The following PLCE1 variants were observed in gnomAD, a reference collection of about 807,000 sequenced individuals.
The protein encoded by PLCE1 is 1-phosphatidylinositol 4,5-bisphosphate phosphodiesterase epsilon-1.
In PLCE1, 119 loss-of-function variants were observed where a neutral mutation model predicts 242.8. The observed-to-expected ratio is 0.49, with a 90% CI of 0.42 to 0.57. The LOEUF is 0.57. Ranked by LOEUF, PLCE1 falls within the 20% of genes least tolerant of loss-of-function variation. PLCE1 has a pLI of 0.00. For synonymous variants in PLCE1, 945 were observed against 1,017.4 expected, an observed-to-expected ratio of 0.93 and a Z score of 1.35; for missense variants, 2,441 against 2,788.8, an observed-to-expected ratio of 0.88 and a Z score of 2.81.
At chr10:94,220,471 G>C (rs1409753772) in intron 4 of PLCE1, among the ~76,000 whole-genome samples, 1 of 144,120 alleles carries the variant, frequency 6.9e-6, no homozygotes, top group East Asian at 2.1e-4. Context: ...CAATGAGCCA[G>C]GGAAGCCTTG....
chr10:94,199,228 G>A (rs975946016), intron 4 of PLCE1, among the ~76,000 whole-genome samples: 1 of 152,222 alleles, frequency 6.6e-6, no homozygotes, highest in African/African-American at 2.4e-5. Context: ...TCAAATAGGT[G>A]AATGTAGGTT....
At chr10:94,132,606 G>A in intron 3 of PLCE1, 147 bp downstream of exon 3, 1 of 778,080 alleles carries the variant, frequency 1.3e-6, no homozygotes, top group Non-Finnish European at 2.1e-6. Context: ...ATATAAAAAG[G>A]TGGTCCCTTA....
intron 1 of PLCE1, among the ~76,000 whole-genome samples, chr10:94,027,646 C>A (rs370538687): frequency 1.3e-5 from 2 of 152,118 alleles, no homozygotes; most frequent in South Asian, 2.1e-4. Context: ...ATGGTGAAAC[C>A]CCGTCTCCAC....
At chr10:94,155,966 A>G (rs968574962) in intron 3 of PLCE1, among the ~76,000 whole-genome samples, 4 of 152,066 alleles carry the variant, frequency 2.6e-5, no homozygotes, top group Non-Finnish European at 1.5e-5. Context: ...AATAAATGTT[A>G]CGGTATGTGA....
rs757425461 is a variant in PLCE1 at position 94,235,941 on chromosome 10, T to C, written c.2241T>C (p.Asp747=). 1.2e-6 allele frequency: 2 copies of C among 1,614,008 alleles called. No homozygotes were observed. Among genetic ancestry groups the C allele is most frequent in the Non-Finnish European group, 1.7e-6 (2 of 1,179,922 alleles). Residue 747 remains aspartate, a synonymous_variant, in exon 7 of 33, where the codon GAT becomes GAC. Transcript: ENST00000371380. The part of the protein sequence containing the change: ...LEFVADYSGQ[D]NFLQRVGQNG... Reference sequence around the variant, plus strand: ...TTGTAGCAGATTACAGTGGACAAGATAATTTCTTACAACGAGTGGGACAAA... The same window carrying C: ...TTGTAGCAGATTACAGTGGACAAGACAATTTCTTACAACGAGTGGGACAAA...
intron 3 of PLCE1, among the ~76,000 whole-genome samples, chr10:94,167,027 C>T (rs939987617): frequency 2.6e-5 from 4 of 152,206 alleles, no homozygotes; most frequent in African/African-American, 9.7e-5. Flanking sequence ...TGGTGGCTCA[C>T]ACCTGTAATC....
chr10:94,066,608 G>A (rs763372096), intron 2 of PLCE1, among the ~76,000 whole-genome samples: 1 of 152,042 alleles, frequency 6.6e-6, no homozygotes, highest in African/African-American at 2.4e-5. Flanking sequence ...TTCCTTGGAC[G>A]CTCCCCCTCA....
intron 1 of PLCE1, among the ~76,000 whole-genome samples, chr10:94,003,071 A>G (rs1313518469): frequency 1.3e-5 from 2 of 152,218 alleles, no homozygotes; most frequent in African/African-American, 4.8e-5. Context: ...TATTTAATCA[A>G]CTTAACTTTT....
At chr10:94,142,021 T>C (rs2046988419) in intron 3 of PLCE1, among the ~76,000 whole-genome samples, 1 of 152,194 alleles carries the variant, frequency 6.6e-6, no homozygotes, top group Non-Finnish European at 1.5e-5. Context: ...TGCCAGAGAA[T>C]AGCTGCAGAC....
rs1052027051 is a variant in PLCE1 at position 94,210,869 on chromosome 10, T to C, written c.1810-16437T>C. On this transcript the variant is annotated intron_variant, in intron 4 of 32. Coordinates refer to ENST00000371380, the MANE Select transcript of PLCE1 (RefSeq NM_016341.4). ...GGCACCATTATTTCTCCTGTTTTCC[T>C]TGTTGGGGCCTCCCTTCTAGAATTC... Among the ~76,000 whole-genome samples the C allele has an allele frequency of 1.2e-4, 18 of 152,362 alleles. 1 individual carries two copies. The highest frequency in any genetic ancestry group is 4.3e-4 in the African/African-American group (18 of 41,600).
At chr10:94,286,366 C>T (rs778171312) in intron 22 of PLCE1, among the ~76,000 whole-genome samples, 2 of 152,024 alleles carry the variant, frequency 1.3e-5, no homozygotes, top group Non-Finnish European at 1.5e-5. Flanking sequence ...TGTAGTGGTG[C>T]GTGCCTGTAA....
intron 2 of PLCE1, chr10:94,104,933 C>T (rs2045673419): frequency 6.6e-6 from 1 of 152,220 alleles, no homozygotes; most frequent in African/African-American, 2.4e-5. Context: ...TCAACATGCG[C>T]TTTCTCAAAA....
At chr10:94,033,278 T>A (rs1014514979) in intron 2 of PLCE1, among the ~76,000 whole-genome samples, 1 of 151,994 alleles carries the variant, frequency 6.6e-6, no homozygotes, top group Non-Finnish European at 1.5e-5. Context: ...TATGCATATA[T>A]TGGATTATGT....
intron 19 of PLCE1, among the ~76,000 whole-genome samples, chr10:94,277,940 TG>T (rs1185408819): frequency 6.6e-6 from 1 of 152,278 alleles, no homozygotes; most frequent in East Asian, 1.9e-4. Flanking sequence ...AGGCATTCAG[TG>T]TATCTTGTGG....
intron 4 of PLCE1, among the ~76,000 whole-genome samples, chr10:94,215,385 C>T (rs1224814438): frequency 2.0e-5 from 3 of 152,102 alleles, no homozygotes; most frequent in Non-Finnish European, 2.9e-5. Context: ...TAAAACAATG[C>T]CTGCATCCAA....
intron 2 of PLCE1, among the ~76,000 whole-genome samples, chr10:94,115,767 G>A (rs760891778): frequency 3.3e-5 from 5 of 152,056 alleles, no homozygotes; most frequent in East Asian, 1.9e-4. Context: ...AATTCTAGGC[G>A]CCAGTAGCCA....
At chr10:94,022,790 G>A (rs1384901234) in intron 1 of PLCE1, among the ~76,000 whole-genome samples, 1 of 152,062 alleles carries the variant, frequency 6.6e-6, no homozygotes, top group East Asian at 1.9e-4. Context: ...GGAATGGATT[G>A]AAACAGAAGG....
At chr10:94,219,706 G>A (rs2049656232) in intron 4 of PLCE1, among the ~76,000 whole-genome samples, 1 of 152,122 alleles carries the variant, frequency 6.6e-6, no homozygotes, top group South Asian at 2.1e-4. Context: ...ATGAGCCTAA[G>A]AATAGACAAA....
chr10:94,000,651 A>T (rs573577485), intron 1 of PLCE1, among the ~76,000 whole-genome samples: 1 of 152,324 alleles, frequency 6.6e-6, no homozygotes, highest in South Asian at 2.1e-4. Flanking sequence ...ATTTAGCCTC[A>T]TATCTTCATC....
Sources: gnomAD v4.1 joint callset for allele counts (sites outside exome capture counted in the v4.1 genomes callset) on GRCh38, gnomAD v4.1.1 for gene constraint, MANE v1.5 for transcripts, NCBI Gene and HGNC (gene_info 2026-07-23, HGNC 2026-07-21) for gene names.